The following CNTLN variants were observed in gnomAD, a reference collection of about 807,000 sequenced individuals.
The protein encoded by CNTLN is centlein.
In CNTLN, 212 loss-of-function variants were observed where a neutral mutation model predicts 180.0. That is an observed-to-expected ratio of 1.18 (90% CI 1.05 to 1.32). CNTLN has a LOEUF of 1.32. Ranked by LOEUF, CNTLN falls within the 40% of genes most tolerant of loss-of-function variation. CNTLN has a pLI of 0.00. For synonymous variants in CNTLN, 722 were observed against 563.1 expected (o/e 1.28, Z -3.99); for missense variants, 2,095 against 1,610.9 (o/e 1.30, Z -5.14).
intron 5 of CNTLN, among the ~76,000 whole-genome samples, chr9:17,267,214 G>A (rs1284832404): frequency 2.0e-5 from 3 of 152,102 alleles, no homozygotes; most frequent in Admixed American, 2.0e-4. Context: ...TCCTTCAGGA[G>A]CTCTTTTAGG....
chr9:17,164,533 C>T (rs964676534), intron 2 of CNTLN, among the ~76,000 whole-genome samples: 12 of 135,810 alleles, frequency 8.8e-5, no homozygotes, highest in South Asian at 2.3e-4. Context: ...GACGCTACCT[C>T]GGCTCACTGT....
Position 17,445,581 on chromosome 9 carries a change from T to G in CNTLN, c.3115-11943T>G, listed in dbSNP as rs1327739529. Among the ~76,000 whole-genome samples, 2 of 152,340 alleles carry G rather than the reference T, an allele frequency of 1.3e-5. 1 individual carries two copies. The highest frequency in any genetic ancestry group is 3.9e-4 in the East Asian group (2 of 5,188). On this transcript the variant is annotated intron_variant, in intron 18 of 25. Transcript: ENST00000380647. ...TGCAAGATGTGCTTTGTTAAACAGATGCTTGAAGGCAGCATGCTCCTTGAG... is the reference window on the plus strand; with the variant it reads ...TGCAAGATGTGCTTTGTTAAACAGAGGCTTGAAGGCAGCATGCTCCTTGAG...
intron 23 of CNTLN, among the ~76,000 whole-genome samples, chr9:17,479,482 A>G (rs913979837): frequency 5.9e-5 from 9 of 152,204 alleles, no homozygotes; most frequent in Admixed American, 4.6e-4. Flanking sequence ...AGTGTTTATG[A>G]TAGTCAAATT....
intron 18 of CNTLN, among the ~76,000 whole-genome samples, chr9:17,421,124 A>C (rs1190755877): frequency 6.6e-6 from 1 of 152,050 alleles, no homozygotes; most frequent in Non-Finnish European, 1.5e-5. Context: ...TTGATTTTCT[A>C]TCTGGATGAT....
In CNTLN at chr9:17,150,619, T is replaced by C. The variant is rs1278291186; in HGVS notation, c.449+7243T>C. Among the ~76,000 whole-genome samples, 4 of 152,182 alleles carry C rather than the reference T, an allele frequency of 2.6e-5. No homozygotes were observed. In the East Asian group the frequency reaches 7.7e-4, roughly 29 times the overall value. Reference sequence around the variant, plus strand: ...GCTTTGTCCTTCTTGCCCAGGAGTGTCTTGGCTATGCGGGCTCTTTTTTGG... The same window carrying C: ...GCTTTGTCCTTCTTGCCCAGGAGTGCCTTGGCTATGCGGGCTCTTTTTTGG... On this transcript the variant is annotated intron_variant, in intron 2 of 25. Coordinates refer to ENST00000380647, the MANE Select transcript of CNTLN (RefSeq NM_017738.4).
chr9:17,338,731 A>G (rs1032391217), intron 10 of CNTLN, among the ~76,000 whole-genome samples: 1 of 152,018 alleles, frequency 6.6e-6, no homozygotes, highest in Non-Finnish European at 1.5e-5. Context: ...AATATGAAAA[A>G]CTCAAGTTCA....
At chr9:17,308,501 T>G (rs1818896698) in intron 7 of CNTLN, among the ~76,000 whole-genome samples, 2 of 152,100 alleles carry the variant, frequency 1.3e-5, no homozygotes, top group South Asian at 4.1e-4. Context: ...GAATTCAACA[T>G]TAATTAACTG....
At chr9:17,397,328 A>G (rs1826612959) in intron 15 of CNTLN, among the ~76,000 whole-genome samples, 1 of 152,238 alleles carries the variant, frequency 6.6e-6, no homozygotes, top group Admixed American at 6.5e-5. Flanking sequence ...CTCCATAGGC[A>G]GAGCAGTCCC....
intron 16 of CNTLN, among the ~76,000 whole-genome samples, chr9:17,412,526 A>G (rs1198802367): frequency 6.6e-6 from 1 of 152,158 alleles, no homozygotes; most frequent in Non-Finnish European, 1.5e-5. Flanking sequence ...CTGTACTTTG[A>G]GTACCCATAC....
intron 5 of CNTLN, among the ~76,000 whole-genome samples, chr9:17,243,269 A>C (rs1198671477): frequency 6.6e-6 from 1 of 152,044 alleles, no homozygotes; most frequent in Non-Finnish European, 1.5e-5. Context: ...TCTTTCAAAA[A>C]ACCCAGTTTC....
At chr9:17,352,278 A>G (rs992800215) in intron 12 of CNTLN, among the ~76,000 whole-genome samples, 2 of 151,762 alleles carry the variant, frequency 1.3e-5, no homozygotes. Flanking sequence ...AGAATATCCT[A>G]TAAAATCCAT....
At chr9:17,207,265 T>A (rs1294108339) in intron 2 of CNTLN, among the ~76,000 whole-genome samples, 1 of 152,212 alleles carries the variant, frequency 6.6e-6, no homozygotes. Context: ...GCCATTTATG[T>A]GAGATAAAGC....
intron 5 of CNTLN, among the ~76,000 whole-genome samples, chr9:17,268,186 G>C (rs532082458): frequency 6.6e-6 from 1 of 152,242 alleles, no homozygotes; most frequent in East Asian, 1.9e-4. Context: ...TTTGGTCTTT[G>C]ATGGTGGTGA....
intron 6 of CNTLN, among the ~76,000 whole-genome samples, chr9:17,296,604 C>T (rs1179388586): frequency 2.6e-5 from 4 of 151,996 alleles, no homozygotes; most frequent in Non-Finnish European, 4.4e-5. Flanking sequence ...ATAATTTTTG[C>T]TAATGTTATT....
At chr9:17,352,414 A>AT (rs1474901010) in intron 12 of CNTLN, among the ~76,000 whole-genome samples, 70 of 25,278 alleles carry the variant, frequency 2.8e-3, no homozygotes, top group South Asian at 0.014. Context: ...ATATATATAT[A>AT]TATTTTTTTT....
At chr9:17,397,833 C>T (rs1340245078) in intron 15 of CNTLN, among the ~76,000 whole-genome samples, 2 of 152,108 alleles carry the variant, frequency 1.3e-5, no homozygotes, top group East Asian at 3.9e-4. Context: ...AGCAGTAAAA[C>T]TCAATTTTAC....
intron 2 of CNTLN, among the ~76,000 whole-genome samples, chr9:17,223,389 C>T (rs1824269922): frequency 6.6e-6 from 1 of 151,950 alleles, no homozygotes; most frequent in South Asian, 2.1e-4. Flanking sequence ...ATTCAACTGC[C>T]TACTCCTCTT....
At chr9:17,400,876 A>T (rs1478844083) in intron 15 of CNTLN, among the ~76,000 whole-genome samples, 1 of 152,198 alleles carries the variant, frequency 6.6e-6, no homozygotes, top group African/African-American at 2.4e-5. Flanking sequence ...TATTTTTCAA[A>T]TTGTGAGTAC....
intron 23 of CNTLN, among the ~76,000 whole-genome samples, chr9:17,481,948 A>G (rs1041270085): frequency 8.5e-5 from 13 of 152,214 alleles, no homozygotes; most frequent in Middle Eastern, 3.2e-3. Flanking sequence ...CTGGTGAAGG[A>G]CTATTCCTGC....
Sources: allele counts gnomAD v4.1 joint callset (sites outside exome capture counted in the v4.1 genomes callset), GRCh38; gene constraint gnomAD v4.1.1; transcripts MANE v1.5; gene names NCBI Gene and HGNC (gene_info 2026-07-23, HGNC 2026-07-21).